The following CNTN1 variants were observed in gnomAD, a reference collection of about 807,000 sequenced individuals.
CNTN1 encodes the protein contactin 1, also known as contactin-1.
A neutral mutation model predicts 126.4 loss-of-function variants in CNTN1; 38 were observed. The ratio of observed to expected loss-of-function variants is 0.30; its 90% CI spans 0.23 to 0.39. The LOEUF (loss-of-function observed/expected upper bound fraction) is 0.39, where lower values mean the gene tolerates loss of function less well. Ranked by LOEUF, CNTN1 falls within the 10% of genes least tolerant of loss-of-function variation. CNTN1 has a pLI of 1.00. For missense variants in CNTN1, 1,009 were observed against 1,248.4 expected, an observed-to-expected ratio of 0.81 and a Z score of 2.89; for synonymous variants, 413 against 422.6, an observed-to-expected ratio of 0.98 and a Z score of 0.28.
chr12:40,802,543 A>G (rs1484995025), intron 1 of CNTN1, among the ~76,000 whole-genome samples: 4 of 152,006 alleles, frequency 2.6e-5, no homozygotes, highest in Admixed American at 6.6e-5. Context: ...TTTTTACATT[A>G]TTAACTGAAG....
intron 14 of CNTN1, among the ~76,000 whole-genome samples, chr12:40,950,246 C>G (rs901919524): frequency 6.6e-6 from 1 of 151,864 alleles, no homozygotes; most frequent in Non-Finnish European, 1.5e-5. Flanking sequence ...GCTTGAGAAA[C>G]GTCCTCAAGA....
chr12:40,873,741 T>C (rs1943581833), intron 1 of CNTN1, among the ~76,000 whole-genome samples: 1 of 152,188 alleles, frequency 6.6e-6, no homozygotes, highest in Non-Finnish European at 1.5e-5. Context: ...ACCCAAAACA[T>C]AATTCAATTC....
chr12:40,916,407 A>AT (rs1166188683), intron 3 of CNTN1, among the ~76,000 whole-genome samples: 1 of 152,072 alleles, frequency 6.6e-6, no homozygotes, highest in African/African-American at 2.4e-5. Flanking sequence ...ATAGCGTATG[A>AT]TTTTTATCAG....
chr12:40,918,974 C>G lies in CNTN1; in HGVS notation c.227+203C>G, dbSNP rs148713957. On this transcript the variant is annotated intron_variant, in intron 4 of 23. Coordinates refer to ENST00000551295, the MANE Select transcript of CNTN1 (RefSeq NM_001843.4). ...TAAATATATGCAAATAATTCTCTTACTATTTTTTGCACAGATAATGTTACT... is the reference window on the plus strand; with the variant it reads ...TAAATATATGCAAATAATTCTCTTAGTATTTTTTGCACAGATAATGTTACT... Among the ~76,000 whole-genome samples, 449 of 152,258 alleles carry G rather than the reference C, an allele frequency of 2.9e-3. 2 individuals carry two copies. The highest frequency in any genetic ancestry group is 4.9e-3 in the Non-Finnish European group (330 of 68,018).
At chr12:40,699,764 A>T (rs911731802) in intron 1 of CNTN1, among the ~76,000 whole-genome samples, 1 of 152,134 alleles carries the variant, frequency 6.6e-6, no homozygotes, top group Non-Finnish European at 1.5e-5. Context: ...CAGATAAAAA[A>T]AAAAAGCTCA....
At chr12:40,905,664 A>AT (rs1287345026) in intron 1 of CNTN1, among the ~76,000 whole-genome samples, 1 of 152,130 alleles carries the variant, frequency 6.6e-6, no homozygotes, top group African/African-American at 2.4e-5. Context: ...ATCTAAGTTA[A>AT]TTTTTACAAA....
intron 1 of CNTN1, among the ~76,000 whole-genome samples, chr12:40,715,417 G>A (rs986095242): frequency 5.3e-5 from 8 of 151,526 alleles, no homozygotes; most frequent in South Asian, 2.1e-4. Context: ...TAGGATAGCC[G>A]CATTAGCAGG....
At chr12:40,801,010 GTTTTGT>G (rs1487221774) in intron 1 of CNTN1, among the ~76,000 whole-genome samples, 1 of 142,728 alleles carries the variant, frequency 7.0e-6, no homozygotes, top group Non-Finnish European at 1.5e-5. Flanking sequence ...TCAAACTAGA[GTTTTGT>G]TTTTTTTTTT....
At chr12:40,867,007 TGTG>T (rs1400008297) in intron 1 of CNTN1, among the ~76,000 whole-genome samples, 1 of 144,484 alleles carries the variant, frequency 6.9e-6, no homozygotes, top group African/African-American at 2.9e-5. Flanking sequence ...AATTTGGACA[TGTG>T]GTCCACACCT....
intron 23 of CNTN1, chr12:41,061,947 A>T (rs1949946682): frequency 3.8e-6 from 1 of 265,890 alleles, no homozygotes. Context: ...TGCTATCTCA[A>T]GTAGGCAAAG....
intron 1 of CNTN1, among the ~76,000 whole-genome samples, chr12:40,743,068 G>C (rs957177584): frequency 6.6e-6 from 1 of 152,026 alleles, no homozygotes; most frequent in Admixed American, 6.6e-5. Flanking sequence ...CGGGGGAATG[G>C]GAGGCTTCAT....
chr12:40,851,705 G>A (rs1003434259), intron 1 of CNTN1, among the ~76,000 whole-genome samples: 2 of 151,426 alleles, frequency 1.3e-5, no homozygotes, highest in African/African-American at 4.9e-5. Context: ...TATTCACACA[G>A]ACATCCAGCA....
At chr12:40,948,492 A>T (rs1195919400) in intron 14 of CNTN1, among the ~76,000 whole-genome samples, 3 of 152,042 alleles carry the variant, frequency 2.0e-5, no homozygotes, top group African/African-American at 7.2e-5. Flanking sequence ...CTTCACAGAA[A>T]TCCTCTGTGG....
chr12:40,885,356 T>C (rs927875687), intron 1 of CNTN1, among the ~76,000 whole-genome samples: 2 of 151,992 alleles, frequency 1.3e-5, no homozygotes, highest in African/African-American at 4.8e-5. Flanking sequence ...CTGTTTGTTC[T>C]GTAAAGAACA....
chr12:40,762,621 A>C (rs935001025), intron 1 of CNTN1, among the ~76,000 whole-genome samples: 1 of 152,228 alleles, frequency 6.6e-6, no homozygotes, highest in Non-Finnish European at 1.5e-5. Flanking sequence ...TGCATAGAAT[A>C]GTAAAAGAAG....
intron 15 of CNTN1, among the ~76,000 whole-genome samples, chr12:40,959,556 G>A (rs1947032356): frequency 6.6e-6 from 1 of 151,996 alleles, no homozygotes; most frequent in African/African-American, 2.4e-5. Flanking sequence ...TGTGTATAGT[G>A]CTGTTTCCTT....
intron 1 of CNTN1, among the ~76,000 whole-genome samples, chr12:40,744,014 C>T (rs1322966574): frequency 6.6e-6 from 1 of 152,000 alleles, no homozygotes; most frequent in Non-Finnish European, 1.5e-5. Context: ...AGCCATTATC[C>T]TCAGCAAACT....
At chr12:40,844,627 G>T (rs1592149980) in intron 1 of CNTN1, among the ~76,000 whole-genome samples, 1 of 152,062 alleles carries the variant, frequency 6.6e-6, no homozygotes, top group Non-Finnish European at 1.5e-5. Context: ...TCTTAGAAAC[G>T]GAAGAAGTCT....
At chr12:40,871,517 A>T (rs1352160642) in intron 1 of CNTN1, among the ~76,000 whole-genome samples, 3 of 152,174 alleles carry the variant, frequency 2.0e-5, no homozygotes, top group African/African-American at 7.2e-5. Flanking sequence ...GACTCTAAAC[A>T]TCTTGCTAAT....
Sources: allele counts gnomAD v4.1 joint callset (sites outside exome capture counted in the v4.1 genomes callset), GRCh38; gene constraint gnomAD v4.1.1; transcripts MANE v1.5; gene names NCBI Gene and HGNC (gene_info 2026-07-23, HGNC 2026-07-21).